The following RAD51B variants were observed in gnomAD, a reference collection of about 807,000 sequenced individuals.
The protein encoded by RAD51B is DNA repair protein RAD51 homolog 2.
A neutral mutation model predicts 42.2 loss-of-function variants in RAD51B; 38 were observed. The observed-to-expected ratio is 0.90, with a 90% CI of 0.70 to 1.18. The LOEUF (loss-of-function observed/expected upper bound fraction) is 1.18, where lower values mean the gene tolerates loss of function less well. RAD51B is among the 50% of genes most tolerant of loss of function. RAD51B has a pLI of 0.00. For missense variants in RAD51B, 373 were observed against 400.7 expected (o/e 0.93, Z 0.59); for synonymous variants, 154 against 145.2 (o/e 1.06, Z -0.43).
At chr14:68,659,798 C>T (rs925685914) in intron 11 of RAD51B, among the ~76,000 whole-genome samples, 2 of 152,264 alleles carry the variant, frequency 1.3e-5, no homozygotes, top group Non-Finnish European at 2.9e-5. Context: ...ACCTGCCCAC[C>T]TTAGCACTCC....
intron 10 of RAD51B, among the ~76,000 whole-genome samples, chr14:68,517,664 C>A (rs1027488164): frequency 6.6e-6 from 1 of 152,134 alleles, no homozygotes. Flanking sequence ...CATGCTAAGA[C>A]GTATATGTAC....
In RAD51B at chr14:68,509,977, C is replaced by T. The variant is rs1436084338; in HGVS notation, c.1036+41727C>T. On this transcript the variant is annotated intron_variant, in intron 10 of 10. Transcript: ENST00000487270. ...AGAGGCCTCTGATAGTCCAGATCCT[C>T]GGTTTTAGCTCTGTTTACACAGGAC... Among the ~76,000 whole-genome samples, 7 of 152,200 alleles carry T rather than the reference C, an allele frequency of 4.6e-5. No homozygotes were observed. In the East Asian group the frequency reaches 7.7e-4, roughly 17 times the overall value.
intron 8 of RAD51B, among the ~76,000 whole-genome samples, chr14:68,379,730 G>C (rs1017663077): frequency 2.6e-5 from 4 of 152,228 alleles, no homozygotes; most frequent in Admixed American, 6.5e-5. Flanking sequence ...TCCTCCCATA[G>C]TATGGTTTGG....
chr14:68,537,613 T>C (rs961130239), intron 10 of RAD51B, among the ~76,000 whole-genome samples: 7 of 152,190 alleles, frequency 4.6e-5, no homozygotes, highest in African/African-American at 1.4e-4. Context: ...TCCTAAGGGA[T>C]TGTTGGAAAA....
intron 7 of RAD51B, among the ~76,000 whole-genome samples, chr14:68,225,553 G>T (rs1022414221): frequency 6.6e-6 from 1 of 152,140 alleles, no homozygotes; most frequent in Non-Finnish European, 1.5e-5. Context: ...TCAGCTTGCT[G>T]GTCCGTATTT....
Position 67,892,623 on chromosome 14 carries a change from A to G in RAD51B, c.756+5419A>G, listed in dbSNP as rs184258876. Among the ~76,000 whole-genome samples the G allele has an allele frequency of 5.8e-4, 88 of 152,310 alleles. 1 individual carries two copies. Among genetic ancestry groups the G allele is most frequent in the Middle Eastern group, 3.4e-3 (1 of 294 alleles). The stretch of plus-strand genomic sequence containing the variant: ...ATACTCTGCCTAGTAAGGGTGTTAT[A>G]TGCCTGAGGACTTGAGCCACAGGTA... On this transcript the variant is annotated intron_variant, in intron 7 of 10. Coordinates refer to ENST00000471583, the MANE Select transcript of RAD51B (RefSeq NM_133510.4).
At chr14:68,471,463 C>CATTT (rs1276418906) in intron 10 of RAD51B, among the ~76,000 whole-genome samples, 3 of 152,050 alleles carry the variant, frequency 2.0e-5, no homozygotes, top group Non-Finnish European at 2.9e-5. Flanking sequence ...CTCCACAGGC[C>CATTT]ATTTCCCTCA....
chr14:67,971,229 C>T (rs545879628), intron 7 of RAD51B, among the ~76,000 whole-genome samples: 9 of 151,918 alleles, frequency 5.9e-5, no homozygotes, highest in Admixed American at 1.3e-4. Flanking sequence ...CCTTATTCAA[C>T]GGTTACATGC....
At chr14:68,552,736 A>G (rs1758890144) in intron 10 of RAD51B, among the ~76,000 whole-genome samples, 1 of 152,168 alleles carries the variant, frequency 6.6e-6, no homozygotes, top group South Asian at 2.1e-4. Flanking sequence ...CTGTGGAGGC[A>G]TTTCCATTCT....
chr14:68,654,975 AG>A (rs1892780595), intron 11 of RAD51B, among the ~76,000 whole-genome samples: 1 of 152,034 alleles, frequency 6.6e-6, no homozygotes, highest in Non-Finnish European at 1.5e-5. Flanking sequence ...TTAGAGTGAA[AG>A]GAGGGAGTAG....
At chr14:68,049,451 A>T (rs896342104) in intron 7 of RAD51B, among the ~76,000 whole-genome samples, 7 of 152,160 alleles carry the variant, frequency 4.6e-5, no homozygotes, top group African/African-American at 1.7e-4. Context: ...GGGCCAGGCC[A>T]ACACTTCCTA....
intron 7 of RAD51B, among the ~76,000 whole-genome samples, chr14:68,185,391 G>A (rs2079137758): frequency 6.6e-6 from 1 of 152,092 alleles, no homozygotes; most frequent in Non-Finnish European, 1.5e-5. Context: ...TCCTGCAAGA[G>A]GAAGGAATTC....
chr14:68,342,009 G>A (rs1243209477), intron 8 of RAD51B, among the ~76,000 whole-genome samples: 1 of 152,066 alleles, frequency 6.6e-6, no homozygotes, highest in Non-Finnish European at 1.5e-5. Context: ...AAAAAATCCA[G>A]ATGCTTTTTT....
intron 7 of RAD51B, among the ~76,000 whole-genome samples, chr14:68,141,181 C>T (rs1039767208): frequency 6.6e-6 from 1 of 152,284 alleles, no homozygotes; most frequent in East Asian, 1.9e-4. Context: ...TTCTCATGAA[C>T]ATTTTTTGTT....
intron 7 of RAD51B, among the ~76,000 whole-genome samples, chr14:68,158,869 T>C (rs561410580): frequency 6.6e-6 from 1 of 152,198 alleles, no homozygotes; most frequent in Non-Finnish European, 1.5e-5. Context: ...AAAGATAAAT[T>C]CTCCCAAAGC....
At chr14:68,585,795 G>A (rs76564570) in intron 10 of RAD51B, among the ~76,000 whole-genome samples, 3,202 of 152,268 alleles carry the variant, frequency 0.021, 38 homozygotes, top group Non-Finnish European at 0.034. Context: ...CTGGCTGGGC[G>A]GCTGACTTTC....
At chr14:68,310,819 T>C (rs552751390) in intron 8 of RAD51B, among the ~76,000 whole-genome samples, 6 of 152,134 alleles carry the variant, frequency 3.9e-5, no homozygotes, top group Non-Finnish European at 8.8e-5. Context: ...CACTCTAGCC[T>C]GGGCCACAGA....
At chr14:68,183,302 C>A (rs2140887895) in intron 7 of RAD51B, among the ~76,000 whole-genome samples, 1 of 152,232 alleles carries the variant, frequency 6.6e-6, no homozygotes, top group African/African-American at 2.4e-5. Context: ...AGTCAAGAGT[C>A]TAAAAGCTAA....
chr14:68,634,815 T>C (rs1892309519), intron 10 of RAD51B, among the ~76,000 whole-genome samples: 1 of 152,048 alleles, frequency 6.6e-6, no homozygotes, highest in Non-Finnish European at 1.5e-5. Flanking sequence ...TTACACCAGC[T>C]TGGGGGGCTT....
Sources: gnomAD v4.1 joint callset for allele counts (sites outside exome capture counted in the v4.1 genomes callset) on GRCh38, gnomAD v4.1.1 for gene constraint, MANE v1.5 for transcripts, NCBI Gene and HGNC (gene_info 2026-07-23, HGNC 2026-07-21) for gene names.